HECW1: variants seen among roughly 807,000 people sequenced by gnomAD.
The protein encoded by HECW1 is E3 ubiquitin-protein ligase HECW1.
HECW1 carries 61 observed loss-of-function variants against 182.3 expected under a neutral mutation model. That is an observed-to-expected ratio of 0.33 (90% CI 0.27 to 0.41). The LOEUF is 0.41. Among genes scored for constraint, HECW1 ranks in the 10% least tolerant of loss-of-function variants. The pLI, the probability that HECW1 is intolerant of heterozygous loss-of-function variation, is 1.00. For missense variants in HECW1, 1,739 were observed against 2,108.9 expected, an observed-to-expected ratio of 0.82 and a Z score of 3.44; for synonymous variants, 859 against 832.6, an observed-to-expected ratio of 1.03 and a Z score of -0.55.
chr7:43,328,815 A>G (rs1028702569), intron 5 of HECW1, among the ~76,000 whole-genome samples: 6 of 152,198 alleles, frequency 3.9e-5, no homozygotes, highest in Non-Finnish European at 8.8e-5. Flanking sequence ...GAAAACACTC[A>G]ATCGACATAA....
At chr7:43,376,580 T>C (rs2074335478) in intron 6 of HECW1, among the ~76,000 whole-genome samples, 1 of 152,138 alleles carries the variant, frequency 6.6e-6, no homozygotes, top group Non-Finnish European at 1.5e-5. Flanking sequence ...AAATTTCAAA[T>C]ATAGCTCGGC....
At position 43,114,404 on chromosome 7, in the gene HECW1, A is replaced by C. The variant is rs1373253032; in HGVS notation, c.-32+13A>C. ...TGTGGCTATTACGGTAATTCATTCT[A>C]GATTGGGGATTCATTTAAAAATGTG... On this transcript the variant is annotated intron_variant, in intron 2 of 29. Coordinates refer to ENST00000395891, the MANE Select transcript of HECW1 (RefSeq NM_015052.5). The C allele has an allele frequency of 2.2e-6, 3 of 1,338,740 alleles. No individual in the cohort carries two copies. The African/African-American group carries it at 4.4e-5, about 20-fold the overall frequency. The allele number at this position is 1,338,740 out of a possible 1,614,324, so 82.9% of individuals were successfully genotyped here.
At chr7:43,327,939 TTATG>T (rs1811002472) in intron 5 of HECW1, among the ~76,000 whole-genome samples, 1 of 150,676 alleles carries the variant, frequency 6.6e-6, no homozygotes, top group Non-Finnish European at 1.5e-5. Flanking sequence ...TGCTTAGACT[TTATG>T]TAGTCTATGA....
chr7:43,435,313 C>T (rs1008976083), intron 8 of HECW1, among the ~76,000 whole-genome samples: 1 of 152,148 alleles, frequency 6.6e-6, no homozygotes, highest in Non-Finnish European at 1.5e-5. Flanking sequence ...AGACAATCAG[C>T]AGGGCTGGAT....
intron 4 of HECW1, 43 bp from the exon 5 acceptor site, chr7:43,320,592 C>A: frequency 7.6e-7 from 1 of 1,318,228 alleles, no homozygotes; most frequent in Non-Finnish European, 1.1e-6. Context: ...ATGCTGTTGA[C>A]TGATATGTTT....
At chr7:43,375,939 C>A (rs1162554634) in intron 6 of HECW1, among the ~76,000 whole-genome samples, 1 of 147,812 alleles carries the variant, frequency 6.8e-6, no homozygotes, top group Non-Finnish European at 1.5e-5. Context: ...TCAAGACTTG[C>A]CATGGTAAAG....
At chr7:43,129,547 A>T (rs1327868250) in intron 2 of HECW1, among the ~76,000 whole-genome samples, 1 of 152,116 alleles carries the variant, frequency 6.6e-6, no homozygotes, top group Non-Finnish European at 1.5e-5. Flanking sequence ...TTTTGTTGAG[A>T]TAGTCACTTT....
At chr7:43,487,546 C>T (rs759602597) in intron 17 of HECW1, among the ~76,000 whole-genome samples, 14 of 152,200 alleles carry the variant, frequency 9.2e-5, no homozygotes, top group South Asian at 2.1e-4. Flanking sequence ...TGCCCACACA[C>T]GCACGTACAC....
At chr7:43,249,622 A>G (rs1799818423) in intron 3 of HECW1, 2 of 152,232 alleles carry the variant, frequency 1.3e-5, no homozygotes, top group South Asian at 4.1e-4. Flanking sequence ...GGTTTAAACT[A>G]GGGCATGCAC....
At chr7:43,497,490 T>G (rs2079163985) in intron 19 of HECW1, among the ~76,000 whole-genome samples, 1 of 152,142 alleles carries the variant, frequency 6.6e-6, no homozygotes, top group Admixed American at 6.5e-5. Flanking sequence ...ATTTCATCTG[T>G]TTTTCATGAC....
At chr7:43,376,032 A>G (rs1434523318) in intron 6 of HECW1, among the ~76,000 whole-genome samples, 1 of 143,758 alleles carries the variant, frequency 7.0e-6, no homozygotes, top group Non-Finnish European at 1.5e-5. Flanking sequence ...AAATATGTAT[A>G]TATATACACA....
At chr7:43,255,798 G>A (rs935696644) in intron 3 of HECW1, among the ~76,000 whole-genome samples, 1 of 152,068 alleles carries the variant, frequency 6.6e-6, no homozygotes, top group Admixed American at 6.6e-5. Flanking sequence ...CAGGAAATGT[G>A]GATATTCTGA....
chr7:43,279,867 C>T lies in HECW1; in HGVS notation c.28-31896C>T, dbSNP rs542350718. Among the ~76,000 whole-genome samples, 172 of 152,272 alleles carry T rather than the reference C, an allele frequency of 1.1e-3. 1 individual carries two copies. The highest frequency in any genetic ancestry group is 4.0e-3 in the African/African-American group (168 of 41,542). Reference sequence around the variant, plus strand: ...TTTTGTCTAAACCACAGCAGTGCAGCGACTATTACAGTAGATGCTCAGTGG... The same window carrying T: ...TTTTGTCTAAACCACAGCAGTGCAGTGACTATTACAGTAGATGCTCAGTGG... On this transcript the variant is annotated intron_variant, in intron 3 of 29. Coordinates refer to ENST00000395891, the MANE Select transcript of HECW1 (RefSeq NM_015052.5).
At chr7:43,519,213 T>C (rs2080318481) in intron 24 of HECW1, among the ~76,000 whole-genome samples, 1 of 151,722 alleles carries the variant, frequency 6.6e-6, no homozygotes, top group Admixed American at 6.6e-5. Context: ...GTGACAGAGG[T>C]AGGGAGCAAT....
chr7:43,504,391 G>C (rs551776597), intron 21 of HECW1, among the ~76,000 whole-genome samples: 22 of 152,238 alleles, frequency 1.4e-4, no homozygotes, highest in South Asian at 2.1e-4. Context: ...CCTCATCAAG[G>C]CCTCTGGTTC....
intron 2 of HECW1, among the ~76,000 whole-genome samples, chr7:43,151,943 A>G (rs959315869): frequency 6.6e-6 from 1 of 152,186 alleles, no homozygotes; most frequent in Non-Finnish European, 1.5e-5. Context: ...ATATCCTAAT[A>G]ATATGTTCTA....
intron 6 of HECW1, among the ~76,000 whole-genome samples, chr7:43,376,836 A>C (rs182536092): frequency 1.3e-5 from 2 of 152,144 alleles, no homozygotes; most frequent in African/African-American, 4.8e-5. Flanking sequence ...ATTGCACTCC[A>C]GCCTGGGTGA....
At chr7:43,241,360 G>A (rs1169730547) in intron 2 of HECW1, 1 of 152,178 alleles carries the variant, frequency 6.6e-6, no homozygotes, top group Non-Finnish European at 1.5e-5. Context: ...GGTGGGGTAA[G>A]CTTCCAGGAG....
chr7:43,395,226 CAAG>C (rs977568347), intron 6 of HECW1, among the ~76,000 whole-genome samples: 2 of 152,106 alleles, frequency 1.3e-5, no homozygotes, highest in Non-Finnish European at 2.9e-5. Flanking sequence ...AGTCTCCAGG[CAAG>C]AAGGAGATCT....
Sources: gnomAD v4.1 joint callset for allele counts (sites outside exome capture counted in the v4.1 genomes callset) on GRCh38, gnomAD v4.1.1 for gene constraint, MANE v1.5 for transcripts, NCBI Gene and HGNC (gene_info 2026-07-23, HGNC 2026-07-21) for gene names.